ARHGAP6: variants seen among roughly 807,000 people sequenced by gnomAD.
The protein encoded by ARHGAP6 is rho GTPase-activating protein 6.
A neutral mutation model predicts 55.7 loss-of-function variants in ARHGAP6; 16 were observed. The observed-to-expected ratio is 0.29, with a 90% confidence interval of 0.19 to 0.44. The LOEUF is 0.44. Among genes scored for constraint, ARHGAP6 ranks in the 20% least tolerant of loss-of-function variants. ARHGAP6 has a pLI of 1.00. For synonymous variants in ARHGAP6, 382 were observed against 360.9 expected (o/e 1.06, Z -0.66); for missense variants, 698 against 808.9 (o/e 0.86, Z 1.66).
At chrX:11,213,761 T>G (rs1284903437) in intron 2 of ARHGAP6, among the ~76,000 whole-genome samples, 2 of 111,481 alleles carry the variant, frequency 1.8e-5, no homozygotes. Context: ...GGGAGAGTGT[T>G]GAGAAATTAC....
chrX:11,663,679 C>CTAA (rs1335976784), intron 1 of ARHGAP6, among the ~76,000 whole-genome samples: 1 of 111,598 alleles, frequency 9.0e-6, no homozygotes, highest in African/African-American at 3.3e-5. Flanking sequence ...CTAGGTTAAA[C>CTAA]TAATACTCAG....
At chrX:11,663,403 G>A (rs1029005182) in intron 1 of ARHGAP6, among the ~76,000 whole-genome samples, 2 of 112,019 alleles carry the variant, frequency 1.8e-5, no homozygotes, top group African/African-American at 3.2e-5. Context: ...GACCGAAGGG[G>A]ATAGGGGCTG....
chrX:11,522,013 C>T (rs1040664054), intron 1 of ARHGAP6, among the ~76,000 whole-genome samples: 1 of 111,393 alleles, frequency 9.0e-6, no homozygotes, highest in Admixed American at 9.6e-5. Context: ...GATTTTGTAT[C>T]CTGAGACTTT....
At chrX:11,310,475 T>A (rs1176986986) in intron 1 of ARHGAP6, among the ~76,000 whole-genome samples, 1 of 111,613 alleles carries the variant, frequency 9.0e-6, no homozygotes, top group Non-Finnish European at 1.9e-5. Flanking sequence ...ACAAAATGTG[T>A]CATATCCCTA....
intron 1 of ARHGAP6, among the ~76,000 whole-genome samples, chrX:11,355,728 G>C (rs761733993): frequency 1.8e-5 from 2 of 111,381 alleles, no homozygotes; most frequent in Admixed American, 1.9e-4. Context: ...CCGTTAGGGT[G>C]CCACAACTGT....
At chrX:11,351,175 T>C (rs1185325950) in intron 1 of ARHGAP6, among the ~76,000 whole-genome samples, 1 of 110,450 alleles carries the variant, frequency 9.1e-6, no homozygotes, top group African/African-American at 3.3e-5. Flanking sequence ...GCACACCCAT[T>C]TTATTTACAT....
chrX:11,593,191 C>G (rs1198892665), intron 1 of ARHGAP6, among the ~76,000 whole-genome samples: 2 of 111,895 alleles, frequency 1.8e-5, no homozygotes, highest in African/African-American at 6.5e-5. Flanking sequence ...GTTTATTTGT[C>G]CCCTAATCCT....
chrX:11,170,492 G>C (rs1481967536), intron 8 of ARHGAP6, among the ~76,000 whole-genome samples: 1 of 111,835 alleles, frequency 8.9e-6, no homozygotes, highest in African/African-American at 3.3e-5. Flanking sequence ...AATTCAAACT[G>C]TGATCTAAGG....
At chrX:11,653,049 C>T (rs780862082) in intron 1 of ARHGAP6, among the ~76,000 whole-genome samples, 15 of 111,889 alleles carry the variant, frequency 1.3e-4, no homozygotes, top group Non-Finnish European at 5.6e-5. Flanking sequence ...CCTTGAAAAG[C>T]AGTCAACTTG....
intron 1 of ARHGAP6, chrX:11,265,732 C>A (rs2047613604): frequency 1.1e-6 from 1 of 906,884 alleles, no homozygotes; most frequent in Non-Finnish European, 1.4e-6. Context: ...TCTAATCTAA[C>A]TGAACTAAGC....
intron 2 of ARHGAP6, among the ~76,000 whole-genome samples, chrX:11,212,921 T>C (rs747872021): frequency 1.8e-5 from 2 of 113,024 alleles, no homozygotes; most frequent in Admixed American, 1.9e-4. Flanking sequence ...CGCCTGCCCG[T>C]GCTCCTCGCT....
At chrX:11,503,258 G>A (rs1332739925) in intron 1 of ARHGAP6, among the ~76,000 whole-genome samples, 1 of 111,404 alleles carries the variant, frequency 9.0e-6, no homozygotes, top group African/African-American at 3.3e-5. Context: ...TCAAGGATCA[G>A]CTGTATTTAC....
intron 1 of ARHGAP6, among the ~76,000 whole-genome samples, chrX:11,307,813 G>A (rs750897729): frequency 1.3e-4 from 15 of 111,478 alleles, no homozygotes; most frequent in Admixed American, 5.7e-4. Context: ...AAATGTTCCC[G>A]ATAAACAGTA....
intron 1 of ARHGAP6, among the ~76,000 whole-genome samples, chrX:11,496,479 G>T (rs2050623514): frequency 8.9e-6 from 1 of 111,899 alleles, no homozygotes; most frequent in Admixed American, 9.5e-5. Flanking sequence ...TCAAATAAAT[G>T]AGGGACATTC....
chrX:11,167,593 C>A (rs1212558670), intron 9 of ARHGAP6, among the ~76,000 whole-genome samples: 1 of 111,867 alleles, frequency 8.9e-6, no homozygotes, highest in East Asian at 2.8e-4. Flanking sequence ...AAAATGGCAG[C>A]AGCTATATTT....
At chrX:11,250,226 C>A (rs1310519265) in intron 2 of ARHGAP6, among the ~76,000 whole-genome samples, 1 of 112,051 alleles carries the variant, frequency 8.9e-6, no homozygotes, top group East Asian at 2.8e-4. Context: ...TTAGTAAAAT[C>A]ATCAAAAAGA....
intron 2 of ARHGAP6, among the ~76,000 whole-genome samples, chrX:11,230,783 T>A (rs1304139100): frequency 9.0e-6 from 1 of 111,033 alleles, no homozygotes; most frequent in Admixed American, 9.6e-5. Context: ...TATGACTTTG[T>A]TTTTTAGAAT....
At chrX:11,152,886 A>C (rs1339003881) in intron 10 of ARHGAP6, among the ~76,000 whole-genome samples, 1 of 111,825 alleles carries the variant, frequency 8.9e-6, no homozygotes, top group East Asian at 2.8e-4. Context: ...TCCAGATTGC[A>C]GCCTATGAAA....
intron 1 of ARHGAP6, among the ~76,000 whole-genome samples, chrX:11,277,190 G>A (rs750520187): frequency 2.1e-4 from 23 of 111,702 alleles, no homozygotes; most frequent in African/African-American, 3.9e-4. Flanking sequence ...GTTCATCCAC[G>A]TTGTAGCATG....
Sources: gnomAD v4.1 joint callset for allele counts (sites outside exome capture counted in the v4.1 genomes callset) on GRCh38, gnomAD v4.1.1 for gene constraint, MANE v1.5 for transcripts, NCBI Gene and HGNC (gene_info 2026-07-23, HGNC 2026-07-21) for gene names.